The following EPHA3 variants were observed in gnomAD, a reference collection of about 807,000 sequenced individuals.
The protein encoded by EPHA3 is ephrin type-A receptor 3.
A neutral mutation model predicts 107.1 loss-of-function variants in EPHA3; 42 were observed. The observed-to-expected ratio is 0.39, with a 90% CI of 0.31 to 0.51. EPHA3 has a LOEUF of 0.51. EPHA3 is among the 20% of genes least tolerant of loss of function. The pLI is 0.78. For synonymous variants in EPHA3, 461 were observed against 424.8 expected, an observed-to-expected ratio of 1.09 and a Z score of -1.05; for missense variants, 1,183 against 1,211.2, an observed-to-expected ratio of 0.98 and a Z score of 0.35.
At chr3:89,215,283 T>C (rs1704197772) in intron 3 of EPHA3, among the ~76,000 whole-genome samples, 1 of 151,880 alleles carries the variant, frequency 6.6e-6, no homozygotes, top group Admixed American at 6.6e-5. Flanking sequence ...TGGAAATCTG[T>C]GATCAAATTA....
At chr3:89,301,965 G>C (rs984092933) in intron 3 of EPHA3, among the ~76,000 whole-genome samples, 1 of 151,904 alleles carries the variant, frequency 6.6e-6, no homozygotes, top group Non-Finnish European at 1.5e-5. Flanking sequence ...AAGTAAAGAA[G>C]GGAAAATAAA....
chr3:89,259,393 T>G (rs1193662774), intron 3 of EPHA3, among the ~76,000 whole-genome samples: 1 of 152,182 alleles, frequency 6.6e-6, no homozygotes, highest in African/African-American at 2.4e-5. Flanking sequence ...AGAATCTTTA[T>G]TTTGTTGAAG....
chr3:89,387,837 C>T (rs144653892), intron 5 of EPHA3, among the ~76,000 whole-genome samples: 2,456 of 152,080 alleles, frequency 0.016, 69 homozygotes, highest in African/African-American at 0.055. Context: ...TATTTCTCCA[C>T]GCTGAGAAAA....
At chr3:89,138,619 G>T (rs980375130) in intron 2 of EPHA3, among the ~76,000 whole-genome samples, 1 of 151,802 alleles carries the variant, frequency 6.6e-6, no homozygotes, top group African/African-American at 2.4e-5. Flanking sequence ...TTTTAAGCAG[G>T]TGATCAGGGA....
intron 2 of EPHA3, among the ~76,000 whole-genome samples, chr3:89,192,769 T>C (rs967222097): frequency 6.6e-6 from 1 of 152,062 alleles, no homozygotes; most frequent in African/African-American, 2.4e-5. Context: ...CATAAAGCTC[T>C]AGAAGCTGAA....
chr3:89,481,644 G>A lies in EPHA3; in HGVS notation c.*2142G>A. On this transcript the variant is annotated 3_prime_UTR_variant, in exon 17 of 17. Coordinates refer to ENST00000336596, the MANE Select transcript of EPHA3 (RefSeq NM_005233.6). Reference sequence around the variant, plus strand: ...TGGTTTCCATCTGAAAGTAGAGGTTGTATACACCATATACTGTTCTTCATT... The same window carrying A: ...TGGTTTCCATCTGAAAGTAGAGGTTATATACACCATATACTGTTCTTCATT... 1 of 232,400 alleles carries A rather than the reference G, an allele frequency of 4.3e-6. No homozygotes were observed. Among genetic ancestry groups the A allele is most frequent in the Non-Finnish European group, 8.5e-6 (1 of 117,308 alleles). The allele number at this position is 232,400 out of a possible 1,614,324, so 14.4% of individuals were successfully genotyped here. A position where few individuals can be genotyped will look rare whatever the true frequency, so the allele number is the denominator to read the frequency against.
intron 15 of EPHA3, among the ~76,000 whole-genome samples, chr3:89,459,849 C>A (rs190230096): frequency 6.6e-6 from 1 of 152,126 alleles, no homozygotes; most frequent in African/African-American, 2.4e-5. Context: ...AAAGATTGTT[C>A]TTGATAGAAA....
intron 3 of EPHA3, among the ~76,000 whole-genome samples, chr3:89,302,056 T>C (rs543242988): frequency 1.8e-4 from 27 of 152,172 alleles, no homozygotes; most frequent in Non-Finnish European, 2.2e-4. Flanking sequence ...ATGCGGACAA[T>C]TTATTTCATG....
At chr3:89,173,742 A>G (rs1352923097) in intron 2 of EPHA3, among the ~76,000 whole-genome samples, 1 of 152,020 alleles carries the variant, frequency 6.6e-6, no homozygotes, top group East Asian at 1.9e-4. Context: ...AGTCAGGCTG[A>G]CTCTAAAATA....
In EPHA3 at chr3:89,410,675, C is replaced by T. The variant is rs116129520; in HGVS notation, c.1763-2466C>T. On this transcript the variant is annotated intron_variant, in intron 9 of 16. Transcript: ENST00000336596. The stretch of plus-strand genomic sequence containing the variant: ...GGGTTGATCTGATATGAGTTTTCAT[C>T]CTTAAAATGTAACTAAATTGACTAA... Among the ~76,000 whole-genome samples the T allele has an allele frequency of 9.9e-3, 1,503 of 151,972 alleles. 18 individuals are homozygous for T. The highest frequency in any genetic ancestry group is 0.031 in the African/African-American group (1,278 of 41,512).
intron 5 of EPHA3, among the ~76,000 whole-genome samples, chr3:89,351,033 G>A (rs1707801899): frequency 6.6e-6 from 1 of 151,300 alleles, no homozygotes; most frequent in Non-Finnish European, 1.5e-5. Flanking sequence ...TGTCAAACAG[G>A]GACATTTAAG....
At chr3:89,165,971 T>C (rs1321785957) in intron 2 of EPHA3, among the ~76,000 whole-genome samples, 6 of 152,208 alleles carry the variant, frequency 3.9e-5, no homozygotes, top group Admixed American at 2.0e-4. Flanking sequence ...ATCATCATCT[T>C]TGTTTTACAG....
chr3:89,146,676 G>A (rs1704566181), intron 2 of EPHA3, among the ~76,000 whole-genome samples: 1 of 151,932 alleles, frequency 6.6e-6, no homozygotes, highest in African/African-American at 2.4e-5. Flanking sequence ...TTTGGCTTTT[G>A]TTGCAATTGC....
At chr3:89,446,116 G>A (rs115391452) in intron 13 of EPHA3, among the ~76,000 whole-genome samples, 1,526 of 152,062 alleles carry the variant, frequency 0.01, 25 homozygotes, top group African/African-American at 0.035. Flanking sequence ...TAAATTTTAA[G>A]CATTTTAATA....
intron 3 of EPHA3, among the ~76,000 whole-genome samples, chr3:89,305,559 C>A (rs553915172): frequency 7.9e-5 from 12 of 152,164 alleles, no homozygotes; most frequent in Non-Finnish European, 1.6e-4. Flanking sequence ...TGTCATACCT[C>A]CAAAAGGTAT....
intron 3 of EPHA3, among the ~76,000 whole-genome samples, chr3:89,217,514 G>A (rs1372392563): frequency 2.0e-5 from 3 of 152,048 alleles, no homozygotes; most frequent in Non-Finnish European, 2.9e-5. Flanking sequence ...CAATCATAAC[G>A]TGGACATCTA....
intron 3 of EPHA3, among the ~76,000 whole-genome samples, chr3:89,260,774 C>T (rs1292598961): frequency 2.0e-5 from 3 of 152,168 alleles, no homozygotes; most frequent in Non-Finnish European, 4.4e-5. Context: ...AATATTACTC[C>T]TTTCTTTGCC....
intron 3 of EPHA3, among the ~76,000 whole-genome samples, chr3:89,336,453 G>A (rs528360661): frequency 6.6e-6 from 1 of 152,138 alleles, no homozygotes; most frequent in East Asian, 1.9e-4. Flanking sequence ...TTACTGCAAG[G>A]GAGAGAGATT....
At chr3:89,235,015 C>G (rs543756269) in intron 3 of EPHA3, among the ~76,000 whole-genome samples, 8 of 118,216 alleles carry the variant, frequency 6.8e-5, no homozygotes, top group South Asian at 6.5e-4. Flanking sequence ...CTTTTCTTTT[C>G]CCTCCCCTTC....
Sources: allele counts gnomAD v4.1 joint callset (sites outside exome capture counted in the v4.1 genomes callset), GRCh38; gene constraint gnomAD v4.1.1; transcripts MANE v1.5; gene names NCBI Gene and HGNC (gene_info 2026-07-23, HGNC 2026-07-21).